MATN2: variants seen among roughly 807,000 people sequenced by gnomAD.
The protein encoded by MATN2 is matrilin-2.
MATN2 carries 69 observed loss-of-function variants against 103.2 expected under a neutral mutation model. The ratio of observed to expected loss-of-function variants is 0.67; its 90% confidence interval spans 0.55 to 0.82. The LOEUF is 0.82. Ranked by LOEUF, MATN2 falls within the 40% of genes least tolerant of loss-of-function variation. The probability of loss-of-function intolerance (pLI) is 0.00; values close to 1 mark genes in which losing one functional copy is unlikely to be tolerated. For synonymous variants in MATN2, 429 were observed against 450.2 expected, an observed-to-expected ratio of 0.95 and a Z score of 0.60; for missense variants, 1,023 against 1,211.5, an observed-to-expected ratio of 0.84 and a Z score of 2.31.
At chr8:97,912,986 C>T (rs559022800) in intron 2 of MATN2, among the ~76,000 whole-genome samples, 1 of 152,140 alleles carries the variant, frequency 6.6e-6, no homozygotes, top group South Asian at 2.1e-4. Context: ...GGGACCACCA[C>T]GCAAGAGCAC....
chr8:97,952,419 C>T (rs965825643), intron 4 of MATN2: 4 of 152,274 alleles, frequency 2.6e-5, no homozygotes, highest in African/African-American at 7.2e-5. Flanking sequence ...TGGTGAAACC[C>T]TTTGATTTAG....
intron 2 of MATN2, among the ~76,000 whole-genome samples, chr8:97,890,576 G>C (rs1184374356): frequency 6.6e-6 from 1 of 150,440 alleles, no homozygotes; most frequent in Non-Finnish European, 1.5e-5. Flanking sequence ...TTCTCATTTT[G>C]ATGGGGAACA....
chr8:98,027,801 C>T lies in MATN2; in HGVS notation c.2328C>T (p.Ser776=). 15 of 1,586,112 alleles carry T rather than the reference C, an allele frequency of 9.5e-6. No homozygotes were observed. The highest frequency in any genetic ancestry group is 2.2e-5 in the East Asian group (1 of 44,526). ...ACGGACGGGCTCAGGATGACGTCTCCGAGTGGGCCAGTAAAGCCAAGGCCA... is the reference window on the plus strand; with the variant it reads ...ACGGACGGGCTCAGGATGACGTCTCTGAGTGGGCCAGTAAAGCCAAGGCCA... ...FTDGRAQDDV[S]EWASKAKANG... Residue 776 remains serine (S), a synonymous_variant, in exon 14 of 19, where the codon TCC becomes TCT. Coordinates refer to ENST00000254898, the MANE Select transcript of MATN2 (RefSeq NM_002380.5).
intron 6 of MATN2, among the ~76,000 whole-genome samples, chr8:97,981,945 G>C (rs1008560692): frequency 2.0e-5 from 3 of 152,216 alleles, no homozygotes; most frequent in African/African-American, 4.8e-5. Context: ...CCACGGGAGG[G>C]GCTGATCCAG....
intron 3 of MATN2, among the ~76,000 whole-genome samples, chr8:97,941,480 G>T (rs1586071228): frequency 6.6e-6 from 1 of 152,066 alleles, no homozygotes; most frequent in Admixed American, 6.6e-5. Flanking sequence ...CCACCACATG[G>T]GTATTATTAA....
chr8:97,961,779 CTG>C (rs1305060094), intron 5 of MATN2, among the ~76,000 whole-genome samples: 3 of 152,188 alleles, frequency 2.0e-5, no homozygotes, highest in Non-Finnish European at 2.9e-5. Flanking sequence ...GCAAATATAA[CTG>C]TGTGTTACTG....
intron 12 of MATN2, among the ~76,000 whole-genome samples, chr8:98,019,120 T>TAC (rs1379235961): frequency 1.0e-4 from 15 of 150,194 alleles, no homozygotes; most frequent in Admixed American, 3.3e-4. Flanking sequence ...TATATATATA[T>TAC]ACACACACAT....
intron 6 of MATN2, among the ~76,000 whole-genome samples, chr8:97,991,106 T>A (rs1159095913): frequency 6.6e-6 from 1 of 152,220 alleles, no homozygotes; most frequent in South Asian, 2.1e-4. Flanking sequence ...GGAAATGTTC[T>A]GGCCCATCAC....
intron 10 of MATN2, among the ~76,000 whole-genome samples, chr8:98,014,388 T>G (rs979203801): frequency 6.6e-6 from 1 of 152,222 alleles, no homozygotes; most frequent in Admixed American, 6.5e-5. Context: ...TGTGAGGAAC[T>G]ATCCCAAACC....
chr8:97,974,591 C>T (rs920356117), intron 5 of MATN2, among the ~76,000 whole-genome samples: 13 of 151,410 alleles, frequency 8.6e-5, no homozygotes, highest in African/African-American at 2.4e-4. Context: ...GGATTACAGG[C>T]GCCTGCCACC....
intron 2 of MATN2, among the ~76,000 whole-genome samples, chr8:97,912,089 G>A (rs985998167): frequency 1.3e-5 from 2 of 152,212 alleles, no homozygotes; most frequent in Admixed American, 6.5e-5. Flanking sequence ...CTGCTGCCCC[G>A]TTACACTGCA....
intron 6 of MATN2, among the ~76,000 whole-genome samples, chr8:97,984,428 G>A (rs756189916): frequency 6.6e-6 from 1 of 152,200 alleles, no homozygotes; most frequent in Non-Finnish European, 1.5e-5. Flanking sequence ...ATGTAGTAGT[G>A]ACCATCTAAA....
chr8:97,931,113 T>A lies in MATN2; in HGVS notation c.303T>A (p.Tyr101Ter). ...TCACCCGAGTGGGCCTGCTCCAATA[T>A]GGCAGCACTGTCAAGAATGAGTTCT... The part of the protein sequence containing the change: ...PDVTRVGLLQ[Y>*]GSTVKNEFSL... The change falls in exon 3 of 19, where the codon TAT becomes TAA. Residue 101 changes from tyrosine to a stop codon, truncating the protein, a stop_gained. Transcript: ENST00000254898. LOFTEE classifies it high-confidence loss of function. This position sits in a 1 kb window ranked among gnomAD's most constrained non-coding sequence, Gnocchi z 4.1. 1 of 1,614,010 alleles carries A rather than the reference T, an allele frequency of 6.2e-7. No individual in the cohort carries two copies. The highest frequency in any genetic ancestry group is 8.5e-7 in the Non-Finnish European group (1 of 1,179,886).
chr8:97,875,036 G>A (rs1379991885), intron 1 of MATN2, among the ~76,000 whole-genome samples: 2 of 151,942 alleles, frequency 1.3e-5, no homozygotes, highest in African/African-American at 2.4e-5. Context: ...TTTTGAGGAC[G>A]CTCGTGATTA....
intron 13 of MATN2, 107 bp downstream of exon 13, chr8:98,021,434 T>C: frequency 1.7e-6 from 2 of 1,205,066 alleles, no homozygotes; most frequent in Non-Finnish European, 1.2e-6. Flanking sequence ...CCCATAAATA[T>C]AAATGCATAT....
chr8:98,032,507 G>A (rs921866808), intron 16 of MATN2, among the ~76,000 whole-genome samples, 190 bp downstream of exon 16: 1 of 151,990 alleles, frequency 6.6e-6, no homozygotes, highest in African/African-American at 2.4e-5. Flanking sequence ...ATCGTTTCAG[G>A]TGACAGTGTT....
At chr8:97,972,963 G>C (rs1811712215) in intron 5 of MATN2, among the ~76,000 whole-genome samples, 1 of 152,218 alleles carries the variant, frequency 6.6e-6, no homozygotes, top group African/African-American at 2.4e-5. Flanking sequence ...CCATACATCT[G>C]CCTCCCTAAT....
intron 2 of MATN2, among the ~76,000 whole-genome samples, chr8:97,892,415 CAAAAAAAAA>C (rs35181049): frequency 7.7e-5 from 6 of 78,054 alleles, no homozygotes; most frequent in African/African-American, 2.9e-4. Context: ...GACCCTGTCT[CAAAAAAAAA>C]AAAAAAAAAA....
chr8:97,946,283 A>C (rs572753006), intron 4 of MATN2, among the ~76,000 whole-genome samples: 2 of 152,246 alleles, frequency 1.3e-5, no homozygotes, highest in South Asian at 4.1e-4. Flanking sequence ...AGCTTCCATC[A>C]CTTCTTGGCC....
Sources: allele counts gnomAD v4.1 joint callset (sites outside exome capture counted in the v4.1 genomes callset), GRCh38; gene constraint gnomAD v4.1.1; non-coding constraint Gnocchi (gnomAD v3.1); transcripts MANE v1.5; gene names NCBI Gene and HGNC (gene_info 2026-07-23, HGNC 2026-07-21).